Variants in B4GALNT3 observed in about 807,000 individuals in gnomAD.
B4GALNT3 encodes the protein beta-1,4-N-acetyl-galactosaminyltransferase 3, also known as beta-1,4-N-acetylgalactosaminyltransferase 3.
A neutral mutation model predicts 120.2 loss-of-function variants in B4GALNT3; 86 were observed. That is an observed-to-expected ratio of 0.72 (90% confidence interval 0.60 to 0.86). B4GALNT3 has a LOEUF of 0.86. Among genes scored for constraint, B4GALNT3 ranks in the 40% least tolerant of loss-of-function variants. The probability of loss-of-function intolerance (pLI) is 0.00; values close to 1 mark genes in which losing one functional copy is unlikely to be tolerated. For missense variants in B4GALNT3, 1,167 were observed against 1,298.9 expected (o/e 0.90, Z 1.56); for synonymous variants, 518 against 510.4 (o/e 1.01, Z -0.20).
chr12:522,667 G>A (rs1013556038), intron 1 of B4GALNT3, among the ~76,000 whole-genome samples: 2 of 152,070 alleles, frequency 1.3e-5, no homozygotes, highest in Non-Finnish European at 2.9e-5. Flanking sequence ...AGGCGTGGTG[G>A]CTCACGTCTG....
rs1372523645 is a variant in B4GALNT3, at chr12:543,525, A to G, written c.352-814A>G. 2.1e-5 allele frequency among the ~76,000 whole-genome samples: 2 copies of G among 94,498 alleles called. 1 individual carries two copies. The highest frequency in any genetic ancestry group is 4.2e-5 in the Non-Finnish European group (2 of 47,100). The allele number at this position is 94,498 out of a possible 152,430, so 62.0% of individuals were successfully genotyped here. On this transcript the variant is annotated intron_variant, in intron 3 of 19. Transcript: ENST00000266383. ...GGTGCTCATCCTCCTGGAACTGAGG[A>G]GCTGGGACGGGCATGGGGTGCTCAT...
rs754914848 is a variant in B4GALNT3 at position 550,917 on chromosome 12, C to T, written c.998-5C>T. 3 of 1,606,012 alleles carry T rather than the reference C, an allele frequency of 1.9e-6. No homozygotes were observed. Among genetic ancestry groups the T allele is most frequent in the Non-Finnish European group, 2.6e-6 (3 of 1,172,640 alleles). On this transcript the variant is annotated splice_region_variant and splice_polypyrimidine_tract_variant and intron_variant, in intron 10 of 19. Coordinates refer to ENST00000266383, the MANE Select transcript of B4GALNT3 (RefSeq NM_173593.4). The surrounding 1 kb of genome is among the most constrained non-coding windows in gnomAD (Gnocchi z 4.1). ...CCCTCACTCCTCCTCCTCCACTGTC[C>T]TCAGTGCCTCTGATCCCCAAGTCGC...
chr12:561,718 G>T lies in B4GALNT3; in HGVS notation c.*267G>T. ...TCAGTCGAGAACGGGAAGAGCTCCT[G>T]AGAAGGACGGGTCAGGAAGGAGAGA... On this transcript the variant is annotated 3_prime_UTR_variant, in exon 20 of 20. Transcript: ENST00000266383. 2.3e-6 allele frequency: 1 copy of T among 439,806 alleles called. No individual in the cohort carries two copies. The highest frequency in any genetic ancestry group is 3.8e-5 in the Admixed American group (1 of 26,114). The allele number at this position is 439,806 out of a possible 1,614,324, so 27.2% of individuals were successfully genotyped here.
intron 1 of B4GALNT3, among the ~76,000 whole-genome samples, chr12:514,450 G>A (rs914643901): frequency 6.6e-6 from 1 of 151,856 alleles, no homozygotes; most frequent in Non-Finnish European, 1.5e-5. Context: ...GCCCGCCTCG[G>A]CCTCCCAAAG....
intron 18 of B4GALNT3, 101 bp downstream of exon 18, chr12:558,762 C>T (rs763161335): frequency 2.3e-6 from 3 of 1,280,032 alleles, no homozygotes; most frequent in South Asian, 2.8e-5. Context: ...CAGCATCCTC[C>T]TCCCCTGCCC....
intron 14 of B4GALNT3, among the ~76,000 whole-genome samples, chr12:555,878 G>A (rs1030869874): frequency 6.6e-6 from 1 of 152,064 alleles, no homozygotes; most frequent in Non-Finnish European, 1.5e-5. Context: ...CCGCCTCCCG[G>A]GTTCACGCCA....
intron 1 of B4GALNT3, among the ~76,000 whole-genome samples, chr12:511,155 G>C (rs893734261): frequency 1.3e-5 from 2 of 149,436 alleles, no homozygotes; most frequent in African/African-American, 4.9e-5. Flanking sequence ...TCTGCCTCCT[G>C]AGCAGCTGAA....
At chr12:465,998 T>G (rs1361326319) in intron 1 of B4GALNT3, among the ~76,000 whole-genome samples, 9 of 131,334 alleles carry the variant, frequency 6.9e-5, no homozygotes, top group African/African-American at 2.1e-4. Flanking sequence ...TGATGGGGTT[T>G]CCTGCCACTC....
At chr12:540,250 C>T (rs1946900949) in intron 3 of B4GALNT3, among the ~76,000 whole-genome samples, 1 of 152,164 alleles carries the variant, frequency 6.6e-6, no homozygotes, top group African/African-American at 2.4e-5. Flanking sequence ...CAGGTGACAC[C>T]CTTTTGTTTA....
intron 1 of B4GALNT3, among the ~76,000 whole-genome samples, chr12:470,623 T>C (rs138157185): frequency 3.5e-4 from 53 of 152,316 alleles, no homozygotes; most frequent in African/African-American, 1.2e-3. Flanking sequence ...CCCAGGTGAA[T>C]GACTTCCGAT....
intron 2 of B4GALNT3, 112 bp from the exon 3 acceptor site, chr12:536,106 G>C (rs1254741691): frequency 1.3e-6 from 1 of 776,354 alleles, no homozygotes; most frequent in Admixed American, 1.9e-5. Context: ...AATGACAGAC[G>C]GCAGCGTGCT....
Position 555,977 on chromosome 12 carries a change from G to A in B4GALNT3, c.2061-570G>A, listed in dbSNP as rs186974368. Among the ~76,000 whole-genome samples the A allele has an allele frequency of 2.1e-3, 324 of 151,506 alleles. 1 individual carries two copies. The highest frequency in any genetic ancestry group is 7.2e-3 in the African/African-American group (297 of 41,130). On this transcript the variant is annotated intron_variant, in intron 14 of 19. Transcript: ENST00000266383. ...TTTTTATATTTTTAGTAGAGACAGGGTTTCACCATATTAGCCAGGCTGGTC... is the reference window on the plus strand; with the variant it reads ...TTTTTATATTTTTAGTAGAGACAGGATTTCACCATATTAGCCAGGCTGGTC...
chr12:505,483 C>T (rs1191340637), intron 1 of B4GALNT3, among the ~76,000 whole-genome samples: 2 of 152,198 alleles, frequency 1.3e-5, no homozygotes, highest in African/African-American at 4.8e-5. Context: ...CCATTTGAAC[C>T]CTGATCCATC....
intron 1 of B4GALNT3, among the ~76,000 whole-genome samples, chr12:507,538 G>A (rs528105459): frequency 1.6e-4 from 24 of 152,350 alleles, no homozygotes; most frequent in South Asian, 4.1e-4. Flanking sequence ...AAGGAGCCAC[G>A]TGGCCTGGGG....
intron 3 of B4GALNT3, among the ~76,000 whole-genome samples, chr12:537,121 TCTATGA>T (rs1165759653): frequency 6.6e-6 from 1 of 152,228 alleles, no homozygotes; most frequent in Non-Finnish European, 1.5e-5. Flanking sequence ...CCTATTATAC[TCTATGA>T]AACTAGTGCT....
In B4GALNT3 at chr12:557,780, C is replaced by G; in HGVS notation, c.2534+19C>G. 1.9e-6 allele frequency: 3 copies of G among 1,591,202 alleles called. No homozygotes were observed. Among genetic ancestry groups the G allele is most frequent in the Non-Finnish European group, 2.6e-6 (3 of 1,172,226 alleles). On this transcript the variant is annotated intron_variant, in intron 16 of 19. Coordinates refer to ENST00000266383, the MANE Select transcript of B4GALNT3 (RefSeq NM_173593.4). ...TGCGGAGGTGAGGGGGACCACCAGC[C>G]AGGGGGTGGCATGGGCCACGTCCAT... is the stretch of plus-strand genomic sequence containing the variant.
intron 2 of B4GALNT3, 63 bp downstream of exon 2, chr12:535,332 C>A: frequency 7.0e-7 from 1 of 1,419,290 alleles, no homozygotes; most frequent in Non-Finnish European, 9.9e-7. Flanking sequence ...AGGTGCTCTG[C>A]CCAGTTGCCT....
intron 1 of B4GALNT3, among the ~76,000 whole-genome samples, chr12:497,963 T>C (rs1260990234): frequency 1.3e-5 from 2 of 152,134 alleles, no homozygotes; most frequent in Non-Finnish European, 2.9e-5. Flanking sequence ...ACACACTCGA[T>C]TTCTCAGTCT....
chr12:535,996 G>C (rs997463816), intron 2 of B4GALNT3, among the ~76,000 whole-genome samples: 17 of 152,204 alleles, frequency 1.1e-4, no homozygotes, highest in Admixed American at 8.5e-4. Flanking sequence ...AGGGTAAACT[G>C]CTTTCCCATA....
Sources: allele counts gnomAD v4.1 joint callset (sites outside exome capture counted in the v4.1 genomes callset), GRCh38; gene constraint gnomAD v4.1.1; non-coding constraint Gnocchi (gnomAD v3.1); transcripts MANE v1.5; gene names NCBI Gene and HGNC (gene_info 2026-07-23, HGNC 2026-07-21).